The following B3GALT1 variants were observed in gnomAD, a reference collection of about 807,000 sequenced individuals.
B3GALT1 encodes UDP-Gal:betaGlcNAc beta 1,3-galactosyltransferase, polypeptide 1.
Under a neutral mutation model 23.2 loss-of-function variants are expected in B3GALT1, and 10 were observed. The ratio of observed to expected loss-of-function variants is 0.43; its 90% CI spans 0.27 to 0.73. The LOEUF is 0.73. Among genes scored for constraint, B3GALT1 ranks in the 30% least tolerant of loss-of-function variants. The pLI is 0.21. For missense variants in B3GALT1, 299 were observed against 405.4 expected, an observed-to-expected ratio of 0.74 and a Z score of 2.25; for synonymous variants, 156 against 141.5, an observed-to-expected ratio of 1.10 and a Z score of -0.73.
chr2:167,786,342 G>A (rs568447121), intron 3 of B3GALT1, among the ~76,000 whole-genome samples: 1 of 152,154 alleles, frequency 6.6e-6, no homozygotes, highest in African/African-American at 2.4e-5. Context: ...TGGGGAAGTG[G>A]TAATTAAACT....
chr2:167,442,635 G>A (rs1228325588), intron 1 of B3GALT1, among the ~76,000 whole-genome samples: 28 of 151,226 alleles, frequency 1.9e-4, no homozygotes, highest in Admixed American at 3.3e-4. Context: ...GCCAGTGATG[G>A]TGAGCATTTT....
chr2:167,695,895 C>G (rs924581489), intron 3 of B3GALT1, among the ~76,000 whole-genome samples: 1 of 152,080 alleles, frequency 6.6e-6, no homozygotes, highest in Non-Finnish European at 1.5e-5. Context: ...GCATTCCAAC[C>G]AGAGGGAAAG....
At chr2:167,751,426 T>A (rs1687736525) in intron 3 of B3GALT1, among the ~76,000 whole-genome samples, 1 of 152,178 alleles carries the variant, frequency 6.6e-6, no homozygotes, top group African/African-American at 2.4e-5. Flanking sequence ...TTCCCAGGTA[T>A]TAATAATGTG....
At chr2:167,651,271 T>TGC (rs200734697) in intron 3 of B3GALT1, among the ~76,000 whole-genome samples, 188 of 18,448 alleles carry the variant, frequency 0.01, no homozygotes, top group Admixed American at 0.021. Flanking sequence ...TGTGTGTGTG[T>TGC]GCGCGCACGT....
intron 3 of B3GALT1, among the ~76,000 whole-genome samples, chr2:167,662,610 G>A (rs1450586619): frequency 6.6e-6 from 1 of 152,068 alleles, no homozygotes; most frequent in Non-Finnish European, 1.5e-5. Context: ...ATTCTCCACT[G>A]TAACAGACAA....
intron 4 of B3GALT1, among the ~76,000 whole-genome samples, chr2:167,840,816 C>T (rs1483279974): frequency 2.1e-5 from 3 of 145,026 alleles, no homozygotes; most frequent in African/African-American, 7.8e-5. Flanking sequence ...GAAAATGTGG[C>T]ACATATACAC....
intron 1 of B3GALT1, among the ~76,000 whole-genome samples, chr2:167,382,133 T>G (rs1212717096): frequency 1.3e-5 from 2 of 152,232 alleles, no homozygotes; most frequent in Non-Finnish European, 2.9e-5. Context: ...GTTTACAGAC[T>G]TATCAAGTCA....
intron 4 of B3GALT1, among the ~76,000 whole-genome samples, chr2:167,846,915 G>A (rs899635384): frequency 3.3e-5 from 5 of 152,058 alleles, no homozygotes; most frequent in South Asian, 4.1e-4. Context: ...GGAAAAAGGC[G>A]TTTCATGCAA....
chr2:167,338,365 A>G (rs1263146489), intron 1 of B3GALT1, among the ~76,000 whole-genome samples: 1 of 152,162 alleles, frequency 6.6e-6, no homozygotes, highest in Non-Finnish European at 1.5e-5. Flanking sequence ...AGCCTTACCT[A>G]TCTGGATCAC....
intron 2 of B3GALT1, among the ~76,000 whole-genome samples, chr2:167,544,551 C>T (rs1442963978): frequency 6.6e-6 from 1 of 152,192 alleles, no homozygotes; most frequent in Non-Finnish European, 1.5e-5. Context: ...CCCACCTCGG[C>T]CTCCCAAAGT....
At chr2:167,429,288 A>C (rs1366295191) in intron 1 of B3GALT1, among the ~76,000 whole-genome samples, 2 of 151,758 alleles carry the variant, frequency 1.3e-5, no homozygotes, top group Non-Finnish European at 2.9e-5. Context: ...CTCAAAAAAA[A>C]AAAAAAAAAA....
intron 2 of B3GALT1, among the ~76,000 whole-genome samples, chr2:167,501,718 CAAA>C (rs35445623): frequency 6.1e-5 from 4 of 65,416 alleles, no homozygotes; most frequent in East Asian, 9.3e-4. Flanking sequence ...TCTACAGTGG[CAAA>C]AAAAAAAAAA....
intron 1 of B3GALT1, among the ~76,000 whole-genome samples, chr2:167,339,988 G>T (rs1338430061): frequency 6.6e-6 from 1 of 152,134 alleles, no homozygotes; most frequent in Non-Finnish European, 1.5e-5. Context: ...GAGCTTGAGG[G>T]TTTTCAAATG....
chr2:167,767,797 A>G (rs917481534), intron 3 of B3GALT1, among the ~76,000 whole-genome samples: 2 of 152,168 alleles, frequency 1.3e-5, no homozygotes, highest in African/African-American at 2.4e-5. Flanking sequence ...AGTTTTCTAC[A>G]GAACGAATAC....
intron 1 of B3GALT1, among the ~76,000 whole-genome samples, chr2:167,308,730 A>C (rs1429260762): frequency 6.6e-6 from 1 of 152,030 alleles, no homozygotes; most frequent in Non-Finnish European, 1.5e-5. Flanking sequence ...GCAATGGGAA[A>C]TGACATCCTG....
chr2:167,562,999 A>G (rs1684042624), intron 2 of B3GALT1, among the ~76,000 whole-genome samples: 1 of 152,198 alleles, frequency 6.6e-6, no homozygotes, highest in African/African-American at 2.4e-5. Context: ...CCCAAGGCAG[A>G]AGAACCTCTC....
intron 2 of B3GALT1, among the ~76,000 whole-genome samples, chr2:167,595,846 G>A (rs1256396607): frequency 6.6e-6 from 1 of 152,176 alleles, no homozygotes; most frequent in Non-Finnish European, 1.5e-5. Flanking sequence ...GGGCTGGTTT[G>A]TCTCTTTCTG....
intron 1 of B3GALT1, among the ~76,000 whole-genome samples, chr2:167,450,475 A>C (rs1310679346): frequency 1.3e-5 from 2 of 152,150 alleles, no homozygotes; most frequent in Non-Finnish European, 1.5e-5. Flanking sequence ...CTGAATACCA[A>C]ATTCTTGGCT....
At chr2:167,335,109 C>T (rs751693172) in intron 1 of B3GALT1, among the ~76,000 whole-genome samples, 8 of 152,044 alleles carry the variant, frequency 5.3e-5, no homozygotes, top group Non-Finnish European at 1.2e-4. Flanking sequence ...AGGTCAAACT[C>T]CATTTTCTTT....
Sources: allele counts gnomAD v4.1 joint callset (sites outside exome capture counted in the v4.1 genomes callset), GRCh38; gene constraint gnomAD v4.1.1; transcripts MANE v1.5; gene names NCBI Gene and HGNC (gene_info 2026-07-23, HGNC 2026-07-21).